KLHDC3: variants seen among roughly 807,000 people sequenced by gnomAD.
KLHDC3 encodes kelch domain-containing protein 3.
A neutral mutation model predicts 44.1 loss-of-function variants in KLHDC3; 5 were observed. The observed-to-expected ratio is 0.11, with a 90% CI of 0.06 to 0.24. The LOEUF (loss-of-function observed/expected upper bound fraction) is 0.24, where lower values mean the gene tolerates loss of function less well. Ranked by LOEUF, KLHDC3 falls within the 10% of genes least tolerant of loss-of-function variation. KLHDC3 has a pLI of 1.00. For missense variants in KLHDC3, 247 were observed against 514.3 expected (o/e 0.48, Z 5.03); for synonymous variants, 170 against 189.0 (o/e 0.90, Z 0.82).
In KLHDC3 at chr6:43,020,812, T is replaced by C. The variant is rs1409202541; in HGVS notation, c.*79T>C. The C allele has an allele frequency of 6.2e-6, 7 of 1,124,878 alleles. No individual in the cohort carries two copies. The highest frequency in any genetic ancestry group is 1.7e-5 in the Admixed American group (1 of 58,738). The allele number at this position is 1,124,878 out of a possible 1,614,324, so 69.7% of individuals were successfully genotyped here. A position where few individuals can be genotyped will look rare whatever the true frequency, so the allele number is the denominator to read the frequency against. On this transcript the variant is annotated 3_prime_UTR_variant, in exon 11 of 11. Transcript: ENST00000326974. ...TGCCCATCTGTCACCCACCTGCTCC[T>C]TTGACCCCTGGACTTGGTATACCTC...
Position 43,017,031 on chromosome 6 carries a change from C to T in KLHDC3, c.-59-103C>T, listed in dbSNP as rs1457800414. On this transcript the variant is annotated intron_variant, in intron 1 of 10. Coordinates refer to ENST00000326974, the MANE Select transcript of KLHDC3 (RefSeq NM_057161.4). This position sits in a 1 kb window ranked among gnomAD's most constrained non-coding sequence, Gnocchi z 6.0. ...CCTGTGGAGGGGTAGTGTGGGAGGG[C>T]CCCCAGGGTGACACTTGGAGGCAAA... is the stretch of plus-strand genomic sequence containing the variant. 45 of 792,694 alleles carry T rather than the reference C, an allele frequency of 5.7e-5. No individual in the cohort carries two copies. In the Admixed American group the frequency reaches 1.0e-3, roughly 18 times the overall value. The allele number at this position is 792,694 out of a possible 1,614,324, so 49.1% of individuals were successfully genotyped here. A position where few individuals can be genotyped will look rare whatever the true frequency, so the allele number is the denominator to read the frequency against.
At chr6:43,019,662 T>C (rs1156979672) in intron 10 of KLHDC3, among the ~76,000 whole-genome samples, 1 of 152,212 alleles carries the variant, frequency 6.6e-6, no homozygotes, top group Non-Finnish European at 1.5e-5. Context: ...TCTTAGAACC[T>C]AGCTGCAAAG....
chr6:43,016,004 C>T (rs1284078271), intron 1 of KLHDC3, among the ~76,000 whole-genome samples: 3 of 150,674 alleles, frequency 2.0e-5, no homozygotes, highest in East Asian at 3.9e-4. Context: ...GGTGTGATCT[C>T]GGCTCACTCC....
chr6:43,021,058 A>C lies in KLHDC3; in HGVS notation c.*325A>C, dbSNP rs1189141175. ...AGGGAATGGGGAGAAGGGAGAAGCA[A>C]GCAGTGTCTGAGCCTCAGGAGCTTC... On this transcript the variant is annotated 3_prime_UTR_variant, in exon 11 of 11. Transcript: ENST00000326974. 1.9e-6 allele frequency: 1 copy of C among 519,260 alleles called. No individual in the cohort carries two copies. The highest frequency in any genetic ancestry group is 2.3e-5 in the Admixed American group (1 of 44,300). 32.2% of individuals were successfully genotyped at this position (519,260 alleles called of 1,614,324 possible).
chr6:43,016,704 C>G (rs1173855161), intron 1 of KLHDC3: 1 of 162,710 alleles, frequency 6.1e-6, no homozygotes, highest in African/African-American at 2.4e-5. Context: ...CTATTAATAG[C>G]TGTGAGTATT....
Position 43,020,787 on chromosome 6 carries a change from T to G in KLHDC3, c.*54T>G. ...AGCCTGCTGTCATCTTCACTGCCCC[T>G]GCCCATCTGTCACCCACCTGCTCCT... On this transcript the variant is annotated 3_prime_UTR_variant, in exon 11 of 11. Coordinates refer to ENST00000326974, the MANE Select transcript of KLHDC3 (RefSeq NM_057161.4). 7.2e-7 allele frequency: 1 copy of G among 1,381,342 alleles called. No individual in the cohort carries two copies. The highest frequency in any genetic ancestry group is 1.0e-6 in the Non-Finnish European group (1 of 967,890). 85.6% of individuals were successfully genotyped at this position (1,381,342 alleles called of 1,614,324 possible).
Position 43,017,960 on chromosome 6 carries a change from G to A in KLHDC3, c.439G>A (p.Glu147Lys), listed in dbSNP as rs763463237. The A allele has an allele frequency of 1.9e-6, 3 of 1,612,498 alleles. No individual in the cohort carries two copies. Among genetic ancestry groups the A allele is most frequent in the Non-Finnish European group, 2.5e-6 (3 of 1,178,624 alleles). ...GATCATGTACATTTTTGGGGGCTAC[G>A]AGCAGCAGGTAGGTCTGGGAATAAA... ...GKIMYIFGGYEQQADCFSNDI... is the reference protein window; with the variant it reads ...GKIMYIFGGYKQQADCFSNDI... The change falls in exon 4 of 11, where the codon GAG becomes AAG. Residue 147 changes from glutamate (E) to lysine (K), a missense_variant. By Grantham distance (56) the Glu-to-Lys change is moderately conservative. Around this residue, in one of 2 missense-constraint regions of KLHDC3, gnomAD observed 176 missense variants for 413.5 expected, o/e 0.43. Coordinates refer to ENST00000326974, the MANE Select transcript of KLHDC3 (RefSeq NM_057161.4). This position sits in a 1 kb window ranked among gnomAD's most constrained non-coding sequence, Gnocchi z 6.0.
Position 43,014,817 on chromosome 6 carries a change from G to A in KLHDC3, c.-60+469G>A, listed in dbSNP as rs144191473. On this transcript the variant is annotated intron_variant, in intron 1 of 10. Transcript: ENST00000326974. ...GAAGGAAAAATGAGAAAACTGCAAA[G>A]CTCTCACGAGATCAAGAAGGGCGAG... Among the ~76,000 whole-genome samples the A allele has an allele frequency of 7.9e-5, 12 of 152,208 alleles. No homozygotes were observed. In the East Asian group the frequency reaches 2.1e-3, roughly 27 times the overall value.
intron 1 of KLHDC3, chr6:43,014,600 C>T (rs778389194): frequency 1.1e-5 from 5 of 457,426 alleles, no homozygotes; most frequent in African/African-American, 4.0e-5. Flanking sequence ...GCCATGAAAA[C>T]AGGGAAGCTG....
At position 43,017,743 on chromosome 6, in the gene KLHDC3, G is replaced by A. The variant is rs1404462856; in HGVS notation, c.331+48G>A. 6.2e-7 allele frequency: 1 copy of A among 1,601,924 alleles called. No individual in the cohort carries two copies. The highest frequency in any genetic ancestry group is 2.2e-5 in the East Asian group (1 of 44,732). ...CTATGTCCTTCCAGATGTTGCCTCAGTTGCCCAAGAAAGGTTTGGGTTGGG... is the reference window on the plus strand; with the variant it reads ...CTATGTCCTTCCAGATGTTGCCTCAATTGCCCAAGAAAGGTTTGGGTTGGG... On this transcript the variant is annotated intron_variant, in intron 3 of 10. Coordinates refer to ENST00000326974, the MANE Select transcript of KLHDC3 (RefSeq NM_057161.4). The surrounding 1 kb of genome is among the most constrained non-coding windows in gnomAD (Gnocchi z 6.0).
chr6:43,018,233 T>A lies in KLHDC3; in HGVS notation c.519+17T>A, dbSNP rs1469871431. ...TGTACAAAGGTCTGCTCTTTCTTTT[T>A]TTTCCCAAATCCCCACCCTCTGTTG... On this transcript the variant is annotated intron_variant, in intron 5 of 10. Coordinates refer to ENST00000326974, the MANE Select transcript of KLHDC3 (RefSeq NM_057161.4). This position sits in a 1 kb window ranked among gnomAD's most constrained non-coding sequence, Gnocchi z 6.0. The A allele has an allele frequency of 6.3e-7, 1 of 1,598,162 alleles. No individual in the cohort carries two copies. Among genetic ancestry groups the A allele is most frequent in the Admixed American group, 1.7e-5 (1 of 60,014 alleles).
In KLHDC3 at chr6:43,018,850, A is replaced by C. The variant is rs1483793745; in HGVS notation, c.821-13A>C. 1.2e-6 allele frequency: 2 copies of C among 1,600,546 alleles called. No homozygotes were observed. On this transcript the variant is annotated splice_polypyrimidine_tract_variant and intron_variant, in intron 7 of 10. Transcript: ENST00000326974. The surrounding 1 kb of genome is among the most constrained non-coding windows in gnomAD (Gnocchi z 6.0). ...TAGGCAGGTATTGAACTTCCATATA[A>C]ATTTCTCTTCAGTGTCCTTTACCTG... is the stretch of plus-strand genomic sequence containing the variant.
At position 43,020,961 on chromosome 6, in the gene KLHDC3, C is replaced by G. The variant is rs1762679401; in HGVS notation, c.*228C>G. On this transcript the variant is annotated 3_prime_UTR_variant, in exon 11 of 11. Coordinates refer to ENST00000326974, the MANE Select transcript of KLHDC3 (RefSeq NM_057161.4). ...GCCCCTTCCCCTTGGTGCTCTGTCCCCATCCACCTCCTTTCAGCTGCTCCT... is the reference window on the plus strand; with the variant it reads ...GCCCCTTCCCCTTGGTGCTCTGTCCGCATCCACCTCCTTTCAGCTGCTCCT... 7.6e-6 allele frequency: 5 copies of G among 653,848 alleles called. No individual in the cohort carries two copies. The Admixed American group carries it at 8.3e-5, about 11-fold the overall frequency. The allele number at this position is 653,848 out of a possible 1,614,324, so 40.5% of individuals were successfully genotyped here. A position where few individuals can be genotyped will look rare whatever the true frequency, so the allele number is the denominator to read the frequency against.
rs754761231 is a variant in KLHDC3 at position 43,018,097 on chromosome 6, G to A, written c.448-48G>A. The A allele has an allele frequency of 1.4e-6, 2 of 1,452,454 alleles. No individual in the cohort carries two copies. Among genetic ancestry groups the A allele is most frequent in the Non-Finnish European group, 1.9e-6 (2 of 1,032,868 alleles). 90.0% of individuals were successfully genotyped at this position (1,452,454 alleles called of 1,614,324 possible). ...GAGGGGAGGGATGGAGGGTCAGAGAGTGACCATTGGCTCCCTCTTTTCTTC... is the reference window on the plus strand; with the variant it reads ...GAGGGGAGGGATGGAGGGTCAGAGAATGACCATTGGCTCCCTCTTTTCTTC... On this transcript the variant is annotated intron_variant, in intron 4 of 10. Transcript: ENST00000326974. The surrounding 1 kb of genome is among the most constrained non-coding windows in gnomAD (Gnocchi z 6.0).
At position 43,018,813 on chromosome 6, in the gene KLHDC3, A is replaced by G; in HGVS notation, c.821-50A>G. ...AGGCGGTGAGGGATGGGGGTGGGGA[A>G]GATACCTGGACTAGGCAGGTATTGA... is the stretch of plus-strand genomic sequence containing the variant. On this transcript the variant is annotated intron_variant, in intron 7 of 10. Coordinates refer to ENST00000326974, the MANE Select transcript of KLHDC3 (RefSeq NM_057161.4). The surrounding 1 kb of genome is among the most constrained non-coding windows in gnomAD (Gnocchi z 6.0). The G allele has an allele frequency of 1.3e-6, 2 of 1,535,910 alleles. No individual in the cohort carries two copies. Among genetic ancestry groups the G allele is most frequent in the East Asian group, 2.2e-5 (1 of 44,504 alleles).
At chr6:43,020,444 G>A (rs867358636) in intron 10 of KLHDC3, among the ~76,000 whole-genome samples, 2 of 152,112 alleles carry the variant, frequency 1.3e-5, no homozygotes, top group African/African-American at 2.4e-5. Context: ...ACATAAACCG[G>A]AAATCCATAT....
Position 43,017,344 on chromosome 6 carries a change from C to T in KLHDC3, c.152C>T (p.Ala51Val). Reference protein sequence around the residue: ...LRQIDVHIFNAVSLRWTKLPP... With the variant: ...LRQIDVHIFNVVSLRWTKLPP... Reference sequence around the variant, plus strand: ...CAGATAGATGTGCACATTTTCAATGCAGGTAAGCCAATGCTGGGGCTGTCC... The same window carrying T: ...CAGATAGATGTGCACATTTTCAATGTAGGTAAGCCAATGCTGGGGCTGTCC... The change falls in exon 2 of 11, where the codon GCA (alanine) becomes GTA (valine). Residue 51 changes from alanine (A) to valine (V), a missense_variant and splice_region_variant. Ala to Val is a moderately conservative substitution (Grantham distance 64). Coordinates refer to ENST00000326974, the MANE Select transcript of KLHDC3 (RefSeq NM_057161.4). The surrounding 1 kb of genome is among the most constrained non-coding windows in gnomAD (Gnocchi z 6.0). 1 of 1,610,934 alleles carries T rather than the reference C, an allele frequency of 6.2e-7. No homozygotes were observed. Among genetic ancestry groups the T allele is most frequent in the African/African-American group, 1.3e-5 (1 of 75,022 alleles).
chr6:43,019,390 G>A (rs1762643701), intron 10 of KLHDC3, 24 bp downstream of exon 10: 2 of 1,538,874 alleles, frequency 1.3e-6, no homozygotes, highest in South Asian at 2.2e-5. Context: ...TTGGAAGGGA[G>A]GGATTGAGTG....
Position 43,018,845 on chromosome 6 carries a change from A to G in KLHDC3, c.821-18A>G. 2 of 1,593,926 alleles carry G rather than the reference A, an allele frequency of 1.3e-6. No homozygotes were observed. Among genetic ancestry groups the G allele is most frequent in the Non-Finnish European group, 1.7e-6 (2 of 1,163,730 alleles). Reference sequence around the variant, plus strand: ...TGGACTAGGCAGGTATTGAACTTCCATATAAATTTCTCTTCAGTGTCCTTT... The same window carrying G: ...TGGACTAGGCAGGTATTGAACTTCCGTATAAATTTCTCTTCAGTGTCCTTT... On this transcript the variant is annotated intron_variant, in intron 7 of 10. Transcript: ENST00000326974. The surrounding 1 kb of genome is among the most constrained non-coding windows in gnomAD (Gnocchi z 6.0).
Sources: allele counts gnomAD v4.1 joint callset (sites outside exome capture counted in the v4.1 genomes callset), GRCh38; gene constraint gnomAD v4.1.1; regional missense constraint gnomAD v4.1.1; non-coding constraint Gnocchi (gnomAD v3.1); transcripts MANE v1.5; gene names NCBI Gene and HGNC (gene_info 2026-07-23, HGNC 2026-07-21).